Variants in CFAP92 observed in about 807,000 individuals in gnomAD.
CFAP92 encodes uncharacterized protein CFAP92.
Under a neutral mutation model 106.3 loss-of-function variants are expected in CFAP92, and 86 were observed. That is an observed-to-expected ratio of 0.81 (90% CI 0.68 to 0.97). CFAP92 has a LOEUF of 0.97. Ranked by LOEUF, CFAP92 falls within the 50% of genes least tolerant of loss-of-function variation. The pLI is 0.00. For missense variants in CFAP92, 1,204 were observed against 1,283.8 expected (o/e 0.94, Z 0.95); for synonymous variants, 477 against 506.4 (o/e 0.94, Z 0.78).
chr3:129,003,657 C>T (rs1263544525), upstream of CFAP92: 1 of 903,712 alleles, frequency 1.1e-6, no homozygotes, highest in Non-Finnish European at 1.4e-6. Flanking sequence ...GGGCCTGGCA[C>T]CCGGAAGCAG....
intron 1 of CFAP92, 57 bp from the exon 2 acceptor site, chr3:128,993,393 G>GT (rs1186523755): frequency 7.3e-6 from 11 of 1,502,456 alleles, no homozygotes; most frequent in Non-Finnish European, 8.9e-6. Flanking sequence ...GCTCCAGGAG[G>GT]TAAGCCCGGC....
chr3:128,912,215 C>T (rs1177395032), intron 15 of CFAP92, among the ~76,000 whole-genome samples: 4 of 152,208 alleles, frequency 2.6e-5, no homozygotes, highest in Non-Finnish European at 5.9e-5. Flanking sequence ...GTTTCTCCTC[C>T]AGTGGGCTGG....
Position 128,988,830 on chromosome 3 carries a change from G to A in CFAP92, c.351C>T (p.Tyr117=), listed in dbSNP as rs781390868. ...DSSVTKMRRF[Y]HIEYFLLPDD... is the part of the protein sequence containing the mutation. ...CCGGCAGAAGGAAATACTCAATGTG[G>A]TAAAAACGACGCATCTTTGTAACAG... Residue 117 remains tyrosine (Y), a synonymous_variant, in exon 3 of 16, where the codon TAC becomes TAT. Transcript: ENST00000645291. 3.7e-6 allele frequency: 6 copies of A among 1,613,740 alleles called. No homozygotes were observed. In the Admixed American group the frequency reaches 1.0e-4, roughly 27 times the overall value.
At chr3:129,003,916 G>T (rs752144093), upstream of CFAP92, 8 of 1,357,736 alleles carry the variant, frequency 5.9e-6, no homozygotes, top group South Asian at 3.4e-5. Flanking sequence ...GCGCTGGGCG[G>T]CTGCGCCGTG....
chr3:128,996,850 G>T (rs112985698), upstream of CFAP92, among the ~76,000 whole-genome samples: 432 of 152,318 alleles, frequency 2.8e-3, 2 homozygotes, highest in South Asian at 8.9e-3. Flanking sequence ...CCCCTCCATG[G>T]GTTCCCCCGC....
chr3:128,934,675 C>T (rs538330166), intron 11 of CFAP92, among the ~76,000 whole-genome samples: 48 of 152,018 alleles, frequency 3.2e-4, no homozygotes, highest in African/African-American at 1.0e-3. Context: ...GGATTACAGG[C>T]GTGCACCACT....
rs1251547977 is a variant in CFAP92 at position 128,956,184 on chromosome 3, T to A, written c.1353+9327A>T. On this transcript the variant is annotated intron_variant, in intron 9 of 15. Coordinates refer to ENST00000645291, the MANE Select transcript of CFAP92 (RefSeq NM_001394090.1). ...AAGAATTATCAATAAAAAAATAAAT[T>A]AAAAAAAAAAATAAAAAAAAAATAA... Among the ~76,000 whole-genome samples the A allele has an allele frequency of 3.1e-3, 153 of 49,122 alleles. 2 individuals carry two copies. Among genetic ancestry groups the A allele is most frequent in the South Asian group, 6.9e-3 (9 of 1,312 alleles). The allele number at this position is 49,122 out of a possible 152,430, so 32.2% of individuals were successfully genotyped here.
At position 128,916,225 on chromosome 3, in the gene CFAP92, G is replaced by C; in HGVS notation, c.2798C>G (p.Ser933Cys). 1 of 1,232,072 alleles carries C rather than the reference G, an allele frequency of 8.1e-7. No homozygotes were observed. The highest frequency in any genetic ancestry group is 1.0e-6 in the Non-Finnish European group (1 of 987,968). The allele number at this position is 1,232,072 out of a possible 1,614,324, so 76.3% of individuals were successfully genotyped here. Reference sequence around the variant, plus strand: ...TGAAATTTTAATCACCTTCGCCACGGACTTCGGAGGCTTCTTGCTGACCTG... The same window carrying C: ...TGAAATTTTAATCACCTTCGCCACGCACTTCGGAGGCTTCTTGCTGACCTG... ...AYQVSKKPPK[S>C]VAKVIKISAP... Residue 933 changes from serine to cysteine, a missense_variant, in exon 13 of 16, where the codon TCC (serine) becomes TGC (cysteine). Transcript: ENST00000645291.
chr3:129,014,788 C>T, the CFAP92 span, among the ~76,000 whole-genome samples: 1 of 152,176 alleles, frequency 6.6e-6, no homozygotes, highest in Non-Finnish European at 1.5e-5. This position sits in a 1 kb window ranked among gnomAD's most constrained non-coding sequence, Gnocchi z 4.3. Flanking sequence ...ACAAGCTTGG[C>T]TTGTCTGCAC....
intron 1 of CFAP92, 142 bp downstream of exon 1, chr3:128,993,838 C>T: frequency 1.8e-6 from 1 of 566,154 alleles, no homozygotes; most frequent in Non-Finnish European, 2.3e-6. Context: ...GGGCTCGGGG[C>T]ATCAGCTCAG....
intron 15 of CFAP92, chr3:128,910,687 A>C: frequency 6.2e-7 from 1 of 1,601,268 alleles, no homozygotes; most frequent in Non-Finnish European, 8.6e-7. Flanking sequence ...TTTGAAGCTC[A>C]GAGGTCTGAT....
rs139089432 is a variant in CFAP92, at chr3:128,931,412, C to T, written c.2751+1288G>A. Among the ~76,000 whole-genome samples, 736 of 150,566 alleles carry T rather than the reference C, an allele frequency of 4.9e-3. 8 individuals carry two copies. Among genetic ancestry groups the T allele is most frequent in the African/African-American group, 0.017 (700 of 41,250 alleles). On this transcript the variant is annotated intron_variant, in intron 12 of 15. Transcript: ENST00000645291. ...AACTCCTGAGCTTAAGCAACCTGCCCACCTCGGCCTCCCAAAGTGGTATGA... is the reference window on the plus strand; with the variant it reads ...AACTCCTGAGCTTAAGCAACCTGCCTACCTCGGCCTCCCAAAGTGGTATGA...
the CFAP92 span, among the ~76,000 whole-genome samples, chr3:129,010,210 C>G: frequency 6.6e-6 from 1 of 152,254 alleles, no homozygotes; most frequent in African/African-American, 2.4e-5. This position sits in a 1 kb window ranked among gnomAD's most constrained non-coding sequence, Gnocchi z 4.3. Context: ...AGTAGAAGGT[C>G]TCTGGTGGGT....
the CFAP92 span, among the ~76,000 whole-genome samples, chr3:129,022,719 C>T: frequency 2.6e-5 from 4 of 152,208 alleles, no homozygotes; most frequent in Non-Finnish European, 4.4e-5. Flanking sequence ...GCCTGGAGCC[C>T]TGACAGAGGT....
chr3:128,914,469 C>T (rs977778736), intron 15 of CFAP92, among the ~76,000 whole-genome samples: 27 of 152,206 alleles, frequency 1.8e-4, no homozygotes, highest in African/African-American at 5.8e-4. Context: ...GAAGCCATCA[C>T]GTTCACCTGA....
chr3:128,994,095 T>C (rs1322768170), upstream of CFAP92: 21 of 985,656 alleles, frequency 2.1e-5, no homozygotes, highest in Non-Finnish European at 2.4e-5. Flanking sequence ...CGTCCGCCGG[T>C]GCAGGGAGGG....
Position 128,980,997 on chromosome 3 carries a change from G to C in CFAP92, c.668-2812C>G, listed in dbSNP as rs532433764. Among the ~76,000 whole-genome samples, 3 of 151,474 alleles carry C rather than the reference G, an allele frequency of 2.0e-5. No homozygotes were observed. The South Asian group carries it at 6.3e-4, about 32-fold the overall frequency. ...TCCCATGAATCACAGATGTTTTAAAGACATCTAGAATGGGGAATCCTTTCC... is the reference window on the plus strand; with the variant it reads ...TCCCATGAATCACAGATGTTTTAAACACATCTAGAATGGGGAATCCTTTCC... On this transcript the variant is annotated intron_variant, in intron 4 of 15. Coordinates refer to ENST00000645291, the MANE Select transcript of CFAP92 (RefSeq NM_001394090.1).
At chr3:128,962,133 GCT>G (rs1213949831) in intron 9 of CFAP92, among the ~76,000 whole-genome samples, 1 of 152,176 alleles carries the variant, frequency 6.6e-6, no homozygotes, top group Non-Finnish European at 1.5e-5. Flanking sequence ...CTGGCCCGAG[GCT>G]CTCTGACTGA....
chr3:128,918,718 T>C (rs917973877), intron 12 of CFAP92, among the ~76,000 whole-genome samples: 1 of 152,176 alleles, frequency 6.6e-6, no homozygotes, highest in Non-Finnish European at 1.5e-5. Flanking sequence ...AAAGAGAATA[T>C]AGTTTTATGA....
Sources: gnomAD v4.1 joint callset for allele counts (sites outside exome capture counted in the v4.1 genomes callset) on GRCh38, gnomAD v4.1.1 for gene constraint, Gnocchi (gnomAD v3.1) non-coding constraint, MANE v1.5 for transcripts, NCBI Gene and HGNC (gene_info 2026-07-23, HGNC 2026-07-21) for gene names.